The following TDRP variants were observed in gnomAD, a reference collection of about 807,000 sequenced individuals.
TDRP encodes the protein testis development related protein.
In TDRP, 12 loss-of-function variants were observed where a neutral mutation model predicts 10.5. The observed-to-expected ratio is 1.15, with a 90% CI of 0.73 to 1.86. The LOEUF is 1.86. Ranked by LOEUF, TDRP falls within the 40% of genes most tolerant of loss-of-function variation. TDRP has a pLI of 0.00. For synonymous variants in TDRP, 139 were observed against 95.4 expected, an observed-to-expected ratio of 1.46 and a Z score of -2.67; for missense variants, 353 against 229.2, an observed-to-expected ratio of 1.54 and a Z score of -3.49.
chr8:499,912 G>T (rs143606040), intron 1 of TDRP, among the ~76,000 whole-genome samples: 407 of 152,344 alleles, frequency 2.7e-3, no homozygotes, highest in Non-Finnish European at 4.9e-3. Flanking sequence ...GCTGCTCATG[G>T]TATGGGGCAT....
At chr8:521,743 G>T (rs963323226) in intron 1 of TDRP, among the ~76,000 whole-genome samples, 1 of 151,900 alleles carries the variant, frequency 6.6e-6, no homozygotes, top group Admixed American at 6.6e-5. Flanking sequence ...GATTCTATAT[G>T]AACTTTAGAA....
intron 1 of TDRP, among the ~76,000 whole-genome samples, chr8:523,856 C>T (rs549921185): frequency 6.6e-6 from 1 of 152,168 alleles, no homozygotes; most frequent in African/African-American, 2.4e-5. Context: ...TAGATACATC[C>T]AGGGACCAGG....
At chr8:544,623 G>T in intron 1 of TDRP, 27 bp downstream of exon 1, 1 of 1,223,912 alleles carries the variant, frequency 8.2e-7, no homozygotes, top group Non-Finnish European at 1.0e-6. Context: ...CGGCCTACTA[G>T]CACTCCCCAC....
intron 1 of TDRP, among the ~76,000 whole-genome samples, chr8:543,581 A>G (rs556852447): frequency 1.2e-4 from 19 of 152,042 alleles, no homozygotes; most frequent in Non-Finnish European, 2.2e-4. Flanking sequence ...CGTAAGCACT[A>G]ACGCTACCTA....
At chr8:537,964 T>C (rs1802389680) in intron 1 of TDRP, among the ~76,000 whole-genome samples, 1 of 152,260 alleles carries the variant, frequency 6.6e-6, no homozygotes, top group Non-Finnish European at 1.5e-5. Flanking sequence ...TAAAATTATT[T>C]TATTTCTCTT....
intron 1 of TDRP, among the ~76,000 whole-genome samples, chr8:536,937 CTGAG>C (rs899204524): frequency 2.2e-4 from 33 of 152,288 alleles, no homozygotes; most frequent in Non-Finnish European, 3.5e-4. Flanking sequence ...CTTCTGCTGA[CTGAG>C]TATCTGACTC....
At position 492,482 on chromosome 8, in the gene TDRP, T is replaced by C. The variant is rs1190959390; in HGVS notation, c.475A>G (p.Ser159Gly). 1.2e-6 allele frequency: 2 copies of C among 1,609,326 alleles called. No individual in the cohort carries two copies. The highest frequency in any genetic ancestry group is 1.7e-6 in the Non-Finnish European group (2 of 1,176,734). The change falls in exon 3 of 3, where the codon AGC becomes GGC. Residue 159 changes from serine (S) to glycine (G), a missense_variant. Transcript: ENST00000324079. ...ACCAGCCTCCCTGCCGCGCGCAGGC[T>C]CCACCTGGAGCTGTTGGCAGAGCTG... ...LASSANSSRWSLRAAGRLVSI... is the reference protein window; with the variant it reads ...LASSANSSRWGLRAAGRLVSI...
intron 1 of TDRP, among the ~76,000 whole-genome samples, chr8:501,519 G>C (rs1237043386): frequency 1.3e-5 from 2 of 151,822 alleles, no homozygotes; most frequent in Non-Finnish European, 2.9e-5. Context: ...GCTAATTTTT[G>C]TATTTTTAGT....
At chr8:532,171 C>CTTTGTGG (rs1223956914) in intron 1 of TDRP, among the ~76,000 whole-genome samples, 6 of 152,204 alleles carry the variant, frequency 3.9e-5, no homozygotes, top group Non-Finnish European at 8.8e-5. Context: ...CCACTAACCT[C>CTTTGTGG]TGTGAAGGGG....
At chr8:509,966 G>C (rs926845501) in intron 1 of TDRP, among the ~76,000 whole-genome samples, 3 of 152,166 alleles carry the variant, frequency 2.0e-5, no homozygotes, top group Non-Finnish European at 4.4e-5. Flanking sequence ...GTTGCAGTGA[G>C]CCAAGATTGT....
At chr8:523,525 T>TG (rs1299736141) in intron 1 of TDRP, among the ~76,000 whole-genome samples, 2 of 152,148 alleles carry the variant, frequency 1.3e-5, no homozygotes, top group African/African-American at 4.8e-5. Context: ...CCTTCCTACT[T>TG]GGATGGCATT....
chr8:530,438 G>T (rs183684269), intron 1 of TDRP, among the ~76,000 whole-genome samples: 2 of 152,002 alleles, frequency 1.3e-5, no homozygotes, highest in African/African-American at 4.8e-5. Flanking sequence ...TTTTTGCTGG[G>T]ATTTGGGGTA....
chr8:497,654 A>G (rs1350945896), intron 1 of TDRP, among the ~76,000 whole-genome samples: 3 of 152,244 alleles, frequency 2.0e-5, no homozygotes, highest in Non-Finnish European at 2.9e-5. Context: ...AAAAATTTGC[A>G]TAAGTAAAGA....
At chr8:532,988 T>C (rs575626477) in intron 1 of TDRP, among the ~76,000 whole-genome samples, 29 of 152,224 alleles carry the variant, frequency 1.9e-4, no homozygotes, top group Non-Finnish European at 2.9e-5. Flanking sequence ...CTAGAGCCCT[T>C]ACTTAAAACA....
At chr8:494,346 G>C (rs1801070204) in intron 2 of TDRP, 148 bp downstream of exon 2, 1 of 659,144 alleles carries the variant, frequency 1.5e-6, no homozygotes, top group East Asian at 2.8e-5. Context: ...AACAGGGACA[G>C]ACGGAGTGGG....
chr8:529,693 C>T (rs1326910311), intron 1 of TDRP, among the ~76,000 whole-genome samples: 1 of 152,162 alleles, frequency 6.6e-6, no homozygotes, highest in Non-Finnish European at 1.5e-5. Flanking sequence ...CTGTATCACC[C>T]CACTCCCTTT....
intron 1 of TDRP, among the ~76,000 whole-genome samples, chr8:525,244 A>G (rs1160443279): frequency 3.9e-5 from 6 of 152,188 alleles, no homozygotes; most frequent in Admixed American, 3.9e-4. Context: ...AAGGAGAAAG[A>G]TCTTCCCAGA....
rs552513215 is a variant in TDRP, at chr8:501,163, G to A, written c.109-6566C>T. On this transcript the variant is annotated intron_variant, in intron 1 of 2. Transcript: ENST00000324079. Reference sequence around the variant, plus strand: ...GGAGCTTGCAGTGAGCTGAGATCGCGCCACTGCACTCCAGCCTGGGCGACA... The same window carrying A: ...GGAGCTTGCAGTGAGCTGAGATCGCACCACTGCACTCCAGCCTGGGCGACA... Among the ~76,000 whole-genome samples, 251 of 151,658 alleles carry A rather than the reference G, an allele frequency of 1.7e-3. 2 individuals are homozygous for A. The highest frequency in any genetic ancestry group is 5.0e-3 in the African/African-American group (208 of 41,438).
At chr8:532,378 G>T (rs1430200240) in intron 1 of TDRP, among the ~76,000 whole-genome samples, 1 of 152,144 alleles carries the variant, frequency 6.6e-6, no homozygotes, top group Non-Finnish European at 1.5e-5. Context: ...TAGCCCCCAG[G>T]CTCCCTAGCA....
Sources: allele counts gnomAD v4.1 joint callset (sites outside exome capture counted in the v4.1 genomes callset), GRCh38; gene constraint gnomAD v4.1.1; transcripts MANE v1.5; gene names NCBI Gene and HGNC (gene_info 2026-07-23, HGNC 2026-07-21).